The following EPHA8 variants were observed in gnomAD, a reference collection of about 807,000 sequenced individuals.
EPHA8 encodes EPH receptor A8.
A neutral mutation model predicts 103.6 loss-of-function variants in EPHA8; 58 were observed. The observed-to-expected ratio is 0.56, with a 90% confidence interval of 0.45 to 0.70. The LOEUF (loss-of-function observed/expected upper bound fraction) is 0.70. Ranked by LOEUF, EPHA8 falls within the 30% of genes least tolerant of loss-of-function variation. The probability of loss-of-function intolerance (pLI) is 0.00; values close to 1 mark genes in which losing one functional copy is unlikely to be tolerated. For missense variants in EPHA8, 1,304 were observed against 1,395.2 expected, an observed-to-expected ratio of 0.93 and a Z score of 1.04; for synonymous variants, 559 against 572.5, an observed-to-expected ratio of 0.98 and a Z score of 0.34.
At chr1:22,586,758 T>G in intron 4 of EPHA8, 123 bp downstream of exon 4, 1 of 1,259,450 alleles carries the variant, frequency 7.9e-7, no homozygotes, top group South Asian at 1.5e-5. Flanking sequence ...GTGGCTCTCT[T>G]GAGCCAGAGG....
intron 3 of EPHA8, among the ~76,000 whole-genome samples, chr1:22,578,298 CTA>C (rs1429448333): frequency 6.1e-5 from 8 of 131,766 alleles, no homozygotes; most frequent in Admixed American, 4.6e-4. Context: ...GTGCATGAGT[CTA>C]TGCCTGTGTG....
At chr1:22,573,021 G>A (rs59478017) in intron 2 of EPHA8, among the ~76,000 whole-genome samples, 5,590 of 152,314 alleles carry the variant, frequency 0.037, 145 homozygotes, top group East Asian at 0.11. Flanking sequence ...AACAGACAGG[G>A]AGCAGCTGGC....
intron 3 of EPHA8, among the ~76,000 whole-genome samples, chr1:22,586,020 A>T (rs895492772): frequency 6.6e-6 from 1 of 151,582 alleles, no homozygotes; most frequent in African/African-American, 2.4e-5. Flanking sequence ...CTGCTTCCTC[A>T]TCCCACCCAA....
At chr1:22,581,900 C>A (rs1641057234) in intron 3 of EPHA8, among the ~76,000 whole-genome samples, 1 of 152,204 alleles carries the variant, frequency 6.6e-6, no homozygotes, top group Admixed American at 6.5e-5. Context: ...TTGGTGGCTT[C>A]TTTGGCTGCG....
chr1:22,574,442 C>T (rs146657406), intron 2 of EPHA8, among the ~76,000 whole-genome samples: 3 of 152,332 alleles, frequency 2.0e-5, no homozygotes, highest in African/African-American at 4.8e-5. Context: ...TCCTGCAAAA[C>T]GGAAACTCCA....
At chr1:22,566,184 A>G (rs1335678052) in intron 1 of EPHA8, among the ~76,000 whole-genome samples, 3 of 152,040 alleles carry the variant, frequency 2.0e-5, no homozygotes, top group African/African-American at 7.2e-5. Context: ...CGCCCCCCGG[A>G]CCCCTGCCAG....
chr1:22,585,027 C>CTGTGTGTGTGTGTGTGTGTG (rs772415643), intron 3 of EPHA8, among the ~76,000 whole-genome samples: 2,705 of 147,508 alleles, frequency 0.018, 37 homozygotes, highest in East Asian at 0.048. Flanking sequence ...GGTCGTTTCT[C>CTGTGTGTGTGTGTGTGTGTG]TGTGTGTGTG....
rs1640258100 is a variant in EPHA8, at chr1:22,563,576, G to A, written c.-60G>A. On this transcript the variant is annotated 5_prime_UTR_variant, in exon 1 of 17. Transcript: ENST00000166244. This position sits in a 1 kb window ranked among gnomAD's most constrained non-coding sequence, Gnocchi z 4.4. ...GGAGCGCGCTCCCTCCCGACGCGCG[G>A]GCCGCAGCGGCCAAGCCCGAGGGTG... 2 of 145,878 alleles carry A rather than the reference G, an allele frequency of 1.4e-5. No homozygotes were observed. The highest frequency in any genetic ancestry group is 3.1e-5 in the Non-Finnish European group (2 of 65,548). The allele number at this position is 145,878 out of a possible 1,614,324, so 9.0% of individuals were successfully genotyped here. A position where few individuals can be genotyped will look rare whatever the true frequency, so the allele number is the denominator to read the frequency against.
chr1:22,597,904 C>T lies in EPHA8; in HGVS notation c.2116+43C>T. The stretch of plus-strand genomic sequence containing the variant: ...ACAGCCTCCCCCTGCAGTGCCCCTC[C>T]TGCCTGGAGAGGCCTCTGGGTCCAT... On this transcript the variant is annotated intron_variant, in intron 11 of 16. Transcript: ENST00000166244. The surrounding 1 kb of genome is among the most constrained non-coding windows in gnomAD (Gnocchi z 4.6). The T allele has an allele frequency of 6.3e-7, 1 of 1,583,546 alleles. No individual in the cohort carries two copies. The highest frequency in any genetic ancestry group is 8.6e-7 in the Non-Finnish European group (1 of 1,163,516).
rs1641756344 is a variant in EPHA8, at chr1:22,602,106, A to G, written c.*365A>G. The G allele has an allele frequency of 5.5e-6, 2 of 364,676 alleles. No homozygotes were observed. The highest frequency in any genetic ancestry group is 9.9e-6 in the Non-Finnish European group (2 of 202,730). The allele number at this position is 364,676 out of a possible 1,614,324, so 22.6% of individuals were successfully genotyped here. ...CAAGGTCATGGGATCTCATGTGAAC[A>G]GTGTGTGATCAAGTGTGTCCACCCC... On this transcript the variant is annotated 3_prime_UTR_variant, in exon 17 of 17. Transcript: ENST00000166244.
At position 22,597,806 on chromosome 1, in the gene EPHA8, C is replaced by G; in HGVS notation, c.2061C>G (p.Ile687Met). 2 of 1,613,124 alleles carry G rather than the reference C, an allele frequency of 1.2e-6. No homozygotes were observed. Among genetic ancestry groups the G allele is most frequent in the Non-Finnish European group, 1.7e-6 (2 of 1,179,930 alleles). The change falls in exon 11 of 17, where the codon ATC becomes ATG. Residue 687 changes from isoleucine to methionine, a missense_variant. Coordinates refer to ENST00000166244, the MANE Select transcript of EPHA8 (RefSeq NM_020526.5). The surrounding 1 kb of genome is among the most constrained non-coding windows in gnomAD (Gnocchi z 4.6). Reference sequence around the variant, plus strand: ...GGGACTTCCTGAGCGAGGCGTCCATCATGGGGCAATTCGACCATCCCAACA... The same window carrying G: ...GGGACTTCCTGAGCGAGGCGTCCATGATGGGGCAATTCGACCATCCCAACA... ...QRRDFLSEAS[I>M]MGQFDHPNII...
intron 3 of EPHA8, among the ~76,000 whole-genome samples, chr1:22,582,470 G>C (rs1321500670): frequency 6.6e-6 from 1 of 152,200 alleles, no homozygotes; most frequent in Non-Finnish European, 1.5e-5. Flanking sequence ...TGGGATAAGG[G>C]ACCCGCCAGG....
intron 3 of EPHA8, among the ~76,000 whole-genome samples, chr1:22,577,914 CGTG>C (rs1640770261): frequency 5.0e-5 from 1 of 20,014 alleles, no homozygotes; most frequent in African/African-American, 2.3e-4. Flanking sequence ...TGTATGTGTG[CGTG>C]AGTGTATGTG....
Position 22,589,408 on chromosome 1 carries a change from G to A in EPHA8, c.1315+202G>A, listed in dbSNP as rs1238381449. ...AGTGGAACACATTCTATAAGTAAGA[G>A]AAATCCCAAAAGCTCAGAGGCAGGC... On this transcript the variant is annotated intron_variant, in intron 5 of 16. Transcript: ENST00000166244. This position sits in a 1 kb window ranked among gnomAD's most constrained non-coding sequence, Gnocchi z 4.3. 2.0e-6 allele frequency: 3 copies of A among 1,508,626 alleles called. No homozygotes were observed. Among genetic ancestry groups the A allele is most frequent in the Non-Finnish European group, 2.6e-6 (3 of 1,135,388 alleles). 93.5% of individuals were successfully genotyped at this position (1,508,626 alleles called of 1,614,324 possible).
At chr1:22,580,334 T>C (rs1641013265) in intron 3 of EPHA8, among the ~76,000 whole-genome samples, 1 of 152,030 alleles carries the variant, frequency 6.6e-6, no homozygotes, top group African/African-American at 2.4e-5. Context: ...AGACAAGATT[T>C]CACCATGTTG....
In EPHA8 at chr1:22,563,575, GGGCCGCA is replaced by G. The variant is rs1194215117; in HGVS notation, c.-59_-53del. ...GGGAGCGCGCTCCCTCCCGACGCGC[GGGCCGCA>G]GCGGCCAAGCCCGAGGGTGCGTGGC... On this transcript the variant is annotated 5_prime_UTR_variant, in exon 1 of 17. Coordinates refer to ENST00000166244, the MANE Select transcript of EPHA8 (RefSeq NM_020526.5). This position sits in a 1 kb window ranked among gnomAD's most constrained non-coding sequence, Gnocchi z 4.4. 3 of 145,694 alleles carry G rather than the reference GGGCCGCA, an allele frequency of 2.1e-5. No individual in the cohort carries two copies. The highest frequency in any genetic ancestry group is 7.4e-5 in the African/African-American group (3 of 40,290). The allele number at this position is 145,694 out of a possible 1,614,324, so 9.0% of individuals were successfully genotyped here.
chr1:22,565,456 C>A (rs1229283883), intron 1 of EPHA8, among the ~76,000 whole-genome samples: 4 of 152,124 alleles, frequency 2.6e-5, no homozygotes, highest in African/African-American at 9.7e-5. Flanking sequence ...GGCCTTGGGG[C>A]CCTGGGAGCT....
At chr1:22,594,786 G>A (rs1641471674) in intron 7 of EPHA8, among the ~76,000 whole-genome samples, 3 of 152,248 alleles carry the variant, frequency 2.0e-5, no homozygotes, top group South Asian at 2.1e-4. Flanking sequence ...TCAATTCCTC[G>A]AGTTCTCTGA....
chr1:22,571,899 T>C (rs1372732114), intron 2 of EPHA8, among the ~76,000 whole-genome samples: 1 of 151,636 alleles, frequency 6.6e-6, no homozygotes, highest in Admixed American at 6.6e-5. Flanking sequence ...TAGCTGAGAG[T>C]GGTGGTGCAC....
Sources: allele counts gnomAD v4.1 joint callset (sites outside exome capture counted in the v4.1 genomes callset), GRCh38; gene constraint gnomAD v4.1.1; non-coding constraint Gnocchi (gnomAD v3.1); transcripts MANE v1.5; gene names NCBI Gene and HGNC (gene_info 2026-07-23, HGNC 2026-07-21).